The following SLC25A48 variants were observed in gnomAD, a reference collection of about 807,000 sequenced individuals.
The protein encoded by SLC25A48 is solute carrier family 25 member 48.
In SLC25A48, 29 loss-of-function variants were observed where a neutral mutation model predicts 32.2. That is an observed-to-expected ratio of 0.90 (90% CI 0.67 to 1.23). The LOEUF (loss-of-function observed/expected upper bound fraction) is 1.23. Among genes scored for constraint, SLC25A48 ranks in the 50% most tolerant of loss-of-function variants. The pLI is 0.00. For missense variants in SLC25A48, 399 were observed against 422.7 expected, an observed-to-expected ratio of 0.94 and a Z score of 0.49; for synonymous variants, 164 against 172.3, an observed-to-expected ratio of 0.95 and a Z score of 0.38.
intron 1 of SLC25A48, among the ~76,000 whole-genome samples, chr5:135,608,063 C>G (rs1751979817): frequency 6.6e-6 from 1 of 152,068 alleles, no homozygotes; most frequent in African/African-American, 2.4e-5. Context: ...AAGAAATGTA[C>G]TTGAGTGAGT....
chr5:135,598,984 C>G (rs1373323283), intron 1 of SLC25A48, among the ~76,000 whole-genome samples: 2 of 151,950 alleles, frequency 1.3e-5, no homozygotes, highest in Admixed American at 6.6e-5. Flanking sequence ...GAAAGAAAGT[C>G]TAATGGCAGT....
At chr5:135,711,113 A>T (rs1011547726) in intron 3 of SLC25A48, among the ~76,000 whole-genome samples, 2 of 152,186 alleles carry the variant, frequency 1.3e-5, no homozygotes, top group African/African-American at 4.8e-5. Flanking sequence ...ATTTGAGGAG[A>T]GCAGTGCAAG....
rs778390184 is a variant in SLC25A48 at position 135,708,664 on chromosome 5, G to A, written c.-521+73708G>A. Among the ~76,000 whole-genome samples, 7 of 152,298 alleles carry A rather than the reference G, an allele frequency of 4.6e-5. No individual in the cohort carries two copies. In the Middle Eastern group the frequency reaches 0.01, roughly 222 times the overall value. ...TTCGAGTCTACAACATTGCTGCTGT[G>A]GTGCCCAGAGACTGGGGTAAGGGCA... On this transcript the variant is annotated intron_variant, in intron 3 of 10. Coordinates refer to the SLC25A48 transcript ENST00000646290.
At chr5:135,785,588 C>T (rs758623684) in intron 3 of SLC25A48, among the ~76,000 whole-genome samples, 7 of 148,536 alleles carry the variant, frequency 4.7e-5, no homozygotes, top group Non-Finnish European at 1.0e-4. Flanking sequence ...CCCCATGGGG[C>T]GAGGGGTGGA....
chr5:135,745,113 G>A lies in SLC25A48; in HGVS notation c.-520-67410G>A, dbSNP rs1755609760. Among the ~76,000 whole-genome samples, 3 of 152,196 alleles carry A rather than the reference G, an allele frequency of 2.0e-5. No individual in the cohort carries two copies. In the South Asian group the frequency reaches 6.2e-4, roughly 32 times the overall value. Reference sequence around the variant, plus strand: ...AGACACAGAAATAGAGTGCAGAGTGGGAATCAGGGGGCTGACAGCCTTCAG... The same window carrying A: ...AGACACAGAAATAGAGTGCAGAGTGAGAATCAGGGGGCTGACAGCCTTCAG... On this transcript the variant is annotated intron_variant, in intron 3 of 10. Transcript: ENST00000646290.
At chr5:135,842,651 C>A (rs569986309) in intron 2 of SLC25A48, among the ~76,000 whole-genome samples, 192 bp downstream of exon 2, 68 of 152,248 alleles carry the variant, frequency 4.5e-4, no homozygotes, top group South Asian at 8.3e-4. Flanking sequence ...CCAGGTAGAA[C>A]TTTAGAAGTA....
intron 4 of SLC25A48, among the ~76,000 whole-genome samples, chr5:135,870,552 C>T (rs1340308183): frequency 6.6e-6 from 1 of 152,124 alleles, no homozygotes; most frequent in Non-Finnish European, 1.5e-5. Context: ...AGATAGCAGC[C>T]CTGGGTCCCA....
intron 3 of SLC25A48, among the ~76,000 whole-genome samples, chr5:135,729,900 G>C (rs1250621033): frequency 6.6e-6 from 1 of 152,132 alleles, no homozygotes; most frequent in Admixed American, 6.5e-5. Context: ...ATAAATAAAA[G>C]GGGTGATGTT....
chr5:135,669,290 T>C (rs1753597888), intron 3 of SLC25A48, among the ~76,000 whole-genome samples: 1 of 152,122 alleles, frequency 6.6e-6, no homozygotes, highest in Non-Finnish European at 1.5e-5. Context: ...GGAGATGCTC[T>C]GGGGCCTGGA....
At chr5:135,714,712 A>G (rs1754754175) in intron 3 of SLC25A48, 1 of 152,390 alleles carries the variant, frequency 6.6e-6, no homozygotes, top group Non-Finnish European at 1.5e-5. Context: ...CAGGCATTAC[A>G]TCATTCAACC....
chr5:135,681,154 T>A (rs1199250695), intron 3 of SLC25A48, among the ~76,000 whole-genome samples: 1 of 152,172 alleles, frequency 6.6e-6, no homozygotes, highest in African/African-American at 2.4e-5. Context: ...TTTGTATCTT[T>A]AGTAGAGATG....
chr5:135,757,446 T>A lies in SLC25A48; in HGVS notation c.-520-55077T>A, dbSNP rs1043632902. Among the ~76,000 whole-genome samples, 12 of 149,414 alleles carry A rather than the reference T, an allele frequency of 8.0e-5. 1 individual carries two copies. The highest frequency in any genetic ancestry group is 6.7e-4 in the Admixed American group (10 of 14,976). On this transcript the variant is annotated intron_variant, in intron 3 of 10. Coordinates refer to the SLC25A48 transcript ENST00000646290. Reference sequence around the variant, plus strand: ...TGATAAAATATCATCTATATATTTATGATGTCTAGTGTTAACACACAATAA... The same window carrying A: ...TGATAAAATATCATCTATATATTTAAGATGTCTAGTGTTAACACACAATAA...
At chr5:135,758,309 C>T (rs1246440148) in intron 3 of SLC25A48, among the ~76,000 whole-genome samples, 3 of 150,560 alleles carry the variant, frequency 2.0e-5, no homozygotes, top group Admixed American at 6.6e-5. Flanking sequence ...TGTAATATCT[C>T]CAGTGTTAAC....
intron 7 of SLC25A48, chr5:135,883,377 T>G: frequency 2.0e-6 from 2 of 985,468 alleles, no homozygotes; most frequent in Non-Finnish European, 2.4e-6. Flanking sequence ...CCCATGGCCA[T>G]TGTAAACTCA....
In SLC25A48 at chr5:135,604,097, G is replaced by A. The variant is rs148144518; in HGVS notation, c.-849+24500G>A. On this transcript the variant is annotated intron_variant, in intron 1 of 10. Transcript: ENST00000646290. ...TCCTCACAGTAACTCTGCGTGGTGG[G>A]TTCCGTTATTATGCCCTCTGTGCAG... Among the ~76,000 whole-genome samples the A allele has an allele frequency of 7.8e-3, 1,191 of 152,308 alleles. 7 individuals carry two copies. Among genetic ancestry groups the A allele is most frequent in the Non-Finnish European group, 0.011 (750 of 68,020 alleles).
intron 3 of SLC25A48, among the ~76,000 whole-genome samples, chr5:135,768,276 C>T (rs1756302168): frequency 6.7e-6 from 1 of 149,830 alleles, no homozygotes; most frequent in Admixed American, 6.6e-5. Flanking sequence ...GTGTACACCC[C>T]TCTGTGATAT....
At chr5:135,696,837 G>A in intron 3 of SLC25A48, among the ~76,000 whole-genome samples, 1 of 152,180 alleles carries the variant, frequency 6.6e-6, no homozygotes, top group East Asian at 1.9e-4. Context: ...ACTATGCCCA[G>A]TGCAGCCACA....
At chr5:135,591,636 G>A (rs1000517623) in intron 1 of SLC25A48, among the ~76,000 whole-genome samples, 2 of 152,240 alleles carry the variant, frequency 1.3e-5, no homozygotes, top group African/African-American at 4.8e-5. Flanking sequence ...AGATGTGGAA[G>A]GGGCTTTGGG....
intron 3 of SLC25A48, among the ~76,000 whole-genome samples, chr5:135,692,192 C>G (rs1210745285): frequency 1.3e-5 from 2 of 151,974 alleles, no homozygotes; most frequent in African/African-American, 4.8e-5. Flanking sequence ...GTGGCATGCG[C>G]CTGTAGTCCC....
Sources: allele counts gnomAD v4.1 joint callset (sites outside exome capture counted in the v4.1 genomes callset), GRCh38; gene constraint gnomAD v4.1.1; transcripts MANE v1.5; gene names NCBI Gene and HGNC (gene_info 2026-07-23, HGNC 2026-07-21).